ELP4: variants seen among roughly 807,000 people sequenced by gnomAD.
ELP4 encodes the protein elongator acetyltransferase complex subunit 4, also known as elongator complex protein 4.
ELP4 carries 51 observed loss-of-function variants against 48.9 expected under a neutral mutation model. The ratio of observed to expected loss-of-function variants is 1.04; its 90% confidence interval spans 0.83 to 1.32. The LOEUF is 1.32. Ranked by LOEUF, ELP4 falls within the 40% of genes most tolerant of loss-of-function variation. ELP4 has a pLI of 0.00. For missense variants in ELP4, 519 were observed against 514.6 expected, an observed-to-expected ratio of 1.01 and a Z score of -0.08; for synonymous variants, 210 against 189.2, an observed-to-expected ratio of 1.11 and a Z score of -0.90.
intron 5 of ELP4, among the ~76,000 whole-genome samples, chr11:31,608,856 T>C (rs1317830237): frequency 6.6e-6 from 1 of 152,106 alleles, no homozygotes; most frequent in African/African-American, 2.4e-5. Flanking sequence ...GCCGAGTAGC[T>C]GGCCCTGCTA....
intron 1 of ELP4, among the ~76,000 whole-genome samples, chr11:31,513,570 C>T (rs933490350): frequency 6.6e-6 from 1 of 152,044 alleles, no homozygotes; most frequent in Non-Finnish European, 1.5e-5. Flanking sequence ...TGTTATCTTT[C>T]TTGACTTTCA....
intron 3 of ELP4, among the ~76,000 whole-genome samples, chr11:31,548,733 C>G (rs1467638144): frequency 1.3e-5 from 2 of 152,144 alleles, no homozygotes; most frequent in Non-Finnish European, 2.9e-5. Flanking sequence ...TGACTTCAAA[C>G]TATACTACAA....
chr11:31,777,329 T>C (rs1948270420), intron 9 of ELP4, among the ~76,000 whole-genome samples: 1 of 152,186 alleles, frequency 6.6e-6, no homozygotes, highest in African/African-American at 2.4e-5. Flanking sequence ...AGAAATTCTG[T>C]GTTTATCCAT....
intron 5 of ELP4, among the ~76,000 whole-genome samples, chr11:31,624,712 A>G (rs1414865672): frequency 6.6e-6 from 1 of 151,860 alleles, no homozygotes; most frequent in African/African-American, 2.4e-5. Flanking sequence ...GACTCTTGTA[A>G]TAACAGCTTA....
chr11:31,753,202 C>A (rs1317881978), intron 9 of ELP4, among the ~76,000 whole-genome samples: 2 of 152,214 alleles, frequency 1.3e-5, no homozygotes, highest in Non-Finnish European at 2.9e-5. Context: ...CAAAAGAGAT[C>A]TGCATTAGCT....
Position 31,740,514 on chromosome 11 carries a change from G to A in ELP4, c.1144-42879G>A, listed in dbSNP as rs547744683. Among the ~76,000 whole-genome samples, 18 of 152,324 alleles carry A rather than the reference G, an allele frequency of 1.2e-4. No homozygotes were observed. The South Asian group carries it at 3.7e-3, about 32-fold the overall frequency. ...GTGTTTTATCCTGAATCATTTAGAT[G>A]CAATTAAGTCTGTGGTGCCTGAATA... is the stretch of plus-strand genomic sequence containing the variant. On this transcript the variant is annotated intron_variant, in intron 9 of 9. Coordinates refer to ENST00000640961, the MANE Select transcript of ELP4 (RefSeq NM_019040.5).
At chr11:31,556,485 G>C (rs898147003) in intron 3 of ELP4, among the ~76,000 whole-genome samples, 5 of 151,764 alleles carry the variant, frequency 3.3e-5, no homozygotes, top group African/African-American at 1.2e-4. Flanking sequence ...AATTTTTATA[G>C]AGCTTGAAGA....
chr11:31,549,444 C>T (rs559620516), intron 3 of ELP4, among the ~76,000 whole-genome samples: 5 of 152,240 alleles, frequency 3.3e-5, no homozygotes, highest in South Asian at 2.1e-4. Context: ...GAGATATCAT[C>T]TCACACCAGT....
intron 3 of ELP4, among the ~76,000 whole-genome samples, chr11:31,553,693 A>G (rs1282322858): frequency 6.7e-6 from 1 of 150,218 alleles, no homozygotes; most frequent in Non-Finnish European, 1.5e-5. Flanking sequence ...TATATGAGAC[A>G]GTTTCTTACA....
chr11:31,763,123 ATGAC>A (rs1166920792), intron 9 of ELP4, among the ~76,000 whole-genome samples: 1 of 152,072 alleles, frequency 6.6e-6, no homozygotes, highest in African/African-American at 2.4e-5. Context: ...TTTAAATTAG[ATGAC>A]CATTTTAAAA....
At position 31,597,952 on chromosome 11, in the gene ELP4, C is replaced by CTTTTT. The variant is rs58093641; in HGVS notation, c.513+3068_513+3072dup. Among the ~76,000 whole-genome samples, 78 of 96,300 alleles carry CTTTTT rather than the reference C, an allele frequency of 8.1e-4. 2 individuals are homozygous for CTTTTT. The highest frequency in any genetic ancestry group is 2.8e-3 in the South Asian group (7 of 2,488). 63.2% of individuals were successfully genotyped at this position (96,300 alleles called of 152,430 possible). A position where few individuals can be genotyped will look rare whatever the true frequency, so the allele number is the denominator to read the frequency against. ...GTAACTAAAGCTTTAAGCCTTTTCT[C>CTTTTT]TTTTTTTTTTTTTTTTTTTTTGAGA... On this transcript the variant is annotated intron_variant, in intron 4 of 9. Transcript: ENST00000640961.
chr11:31,645,816 G>T (rs1945186202), intron 7 of ELP4: 2 of 151,588 alleles, frequency 1.3e-5, no homozygotes, highest in Admixed American at 6.6e-5. Flanking sequence ...TAATGGGGGA[G>T]CCACATGGTT....
chr11:31,650,387 T>G (rs2134073796), intron 9 of ELP4, 166 bp downstream of exon 9: 1 of 422,132 alleles, frequency 2.4e-6, no homozygotes, highest in East Asian at 3.5e-5. Flanking sequence ...CAATAATTTT[T>G]TAGACTATTG....
intron 9 of ELP4, among the ~76,000 whole-genome samples, chr11:31,773,920 CT>C (rs1355024134): frequency 9.2e-5 from 14 of 152,180 alleles, no homozygotes; most frequent in Non-Finnish European, 2.1e-4. Flanking sequence ...TGGCTCATAC[CT>C]GTAATCCCAG....
At chr11:31,524,964 C>T (rs143265513) in intron 2 of ELP4, among the ~76,000 whole-genome samples, 31 of 152,206 alleles carry the variant, frequency 2.0e-4, no homozygotes, top group African/African-American at 6.0e-4. Context: ...GGTGATAGAG[C>T]GAAACCCTGT....
At chr11:31,522,425 C>T (rs556816872) in intron 2 of ELP4, among the ~76,000 whole-genome samples, 1 of 152,220 alleles carries the variant, frequency 6.6e-6, no homozygotes, top group African/African-American at 2.4e-5. Context: ...CTTGCTTTAT[C>T]TATTTAATAC....
chr11:31,661,152 TA>T (rs1433850904), intron 9 of ELP4, among the ~76,000 whole-genome samples: 3 of 152,044 alleles, frequency 2.0e-5, no homozygotes, highest in African/African-American at 7.2e-5. Flanking sequence ...ACCCCCTTAA[TA>T]TTTTTTATTG....
intron 9 of ELP4, among the ~76,000 whole-genome samples, chr11:31,693,740 G>A (rs563901234): frequency 6.6e-5 from 10 of 152,328 alleles, no homozygotes; most frequent in African/African-American, 1.2e-4. Context: ...TTGCCACACT[G>A]TCTTCCACAA....
intron 9 of ELP4, among the ~76,000 whole-genome samples, chr11:31,670,716 A>G (rs940059329): frequency 6.6e-6 from 1 of 152,150 alleles, no homozygotes; most frequent in Admixed American, 6.5e-5. Context: ...GTCAAAAGTC[A>G]TGTTTCTCAG....
Sources: gnomAD v4.1 joint callset for allele counts (sites outside exome capture counted in the v4.1 genomes callset) on GRCh38, gnomAD v4.1.1 for gene constraint, MANE v1.5 for transcripts, NCBI Gene and HGNC (gene_info 2026-07-23, HGNC 2026-07-21) for gene names.